Variants in ADCY2 observed in about 807,000 individuals in gnomAD.
ADCY2 encodes adenylate cyclase type 2.
A neutral mutation model predicts 125.2 loss-of-function variants in ADCY2; 31 were observed. The ratio of observed to expected loss-of-function variants is 0.25; its 90% confidence interval spans 0.19 to 0.33. ADCY2 has a LOEUF of 0.33. Ranked by LOEUF, ADCY2 falls within the 10% of genes least tolerant of loss-of-function variation. The pLI is 1.00. For synonymous variants in ADCY2, 512 were observed against 548.4 expected, an observed-to-expected ratio of 0.93 and a Z score of 0.93; for missense variants, 904 against 1,418.2, an observed-to-expected ratio of 0.64 and a Z score of 5.82.
intron 3 of ADCY2, among the ~76,000 whole-genome samples, chr5:7,530,221 G>GGCAGCA (rs1280718929): frequency 6.6e-6 from 1 of 152,148 alleles, no homozygotes; most frequent in Non-Finnish European, 1.5e-5. Context: ...ATGAGTAGTA[G>GGCAGCA]GCAGCAGCAG....
intron 18 of ADCY2, among the ~76,000 whole-genome samples, chr5:7,776,891 G>GTACA (rs2126487773): frequency 1.3e-5 from 2 of 152,214 alleles, no homozygotes; most frequent in South Asian, 4.2e-4. Context: ...AGTATCTCCA[G>GTACA]GGTTCTTAGT....
At chr5:7,508,032 T>C (rs1410402449) in intron 2 of ADCY2, among the ~76,000 whole-genome samples, 1 of 152,182 alleles carries the variant, frequency 6.6e-6, no homozygotes, top group East Asian at 1.9e-4. Flanking sequence ...GAGATATTTG[T>C]GTAATATTTC....
chr5:7,578,869 C>A (rs1279332454), intron 3 of ADCY2, among the ~76,000 whole-genome samples: 1 of 152,260 alleles, frequency 6.6e-6, no homozygotes, highest in East Asian at 1.9e-4. Context: ...AGTCCAAATA[C>A]GGTCCATCCT....
chr5:7,811,130 G>A (rs766016199), intron 22 of ADCY2, among the ~76,000 whole-genome samples: 8 of 152,190 alleles, frequency 5.3e-5, no homozygotes, highest in Non-Finnish European at 1.2e-4. Flanking sequence ...GGAACAGACA[G>A]GGAGGGGAGG....
chr5:7,776,679 G>A (rs962869542), intron 18 of ADCY2, among the ~76,000 whole-genome samples: 4 of 152,192 alleles, frequency 2.6e-5, no homozygotes, highest in Non-Finnish European at 5.9e-5. Flanking sequence ...TGGACTGGGA[G>A]AGGAAGACCC....
At chr5:7,496,715 G>A (rs968544991) in intron 2 of ADCY2, among the ~76,000 whole-genome samples, 4 of 152,108 alleles carry the variant, frequency 2.6e-5, no homozygotes, top group Non-Finnish European at 4.4e-5. Flanking sequence ...AGACTCAATT[G>A]AAAACCACTA....
Position 7,709,455 on chromosome 5 carries a change from G to C in ADCY2, c.1578+68G>C. On this transcript the variant is annotated intron_variant, in intron 10 of 24. Coordinates refer to ENST00000338316, the MANE Select transcript of ADCY2 (RefSeq NM_020546.3). The surrounding 1 kb of genome is among the most constrained non-coding windows in gnomAD (Gnocchi z 4.4). ...GCTAACTTCCCAAAACCAAAGGCTG[G>C]GCATCTCCTGCCAAAATAACTCCTT... 1.4e-6 allele frequency: 2 copies of C among 1,456,194 alleles called. No individual in the cohort carries two copies. Among genetic ancestry groups the C allele is most frequent in the Admixed American group, 2.6e-5 (1 of 37,900 alleles). The allele number at this position is 1,456,194 out of a possible 1,614,324, so 90.2% of individuals were successfully genotyped here. A position where few individuals can be genotyped will look rare whatever the true frequency, so the allele number is the denominator to read the frequency against.
At chr5:7,463,656 A>G (rs1189418894) in intron 2 of ADCY2, among the ~76,000 whole-genome samples, 1 of 152,086 alleles carries the variant, frequency 6.6e-6, no homozygotes, top group Non-Finnish European at 1.5e-5. Context: ...ATCGTCCTGA[A>G]AAGGAATGTG....
intron 4 of ADCY2, among the ~76,000 whole-genome samples, chr5:7,668,420 A>G (rs1739827200): frequency 6.6e-6 from 1 of 152,316 alleles, no homozygotes; most frequent in Admixed American, 6.5e-5. Context: ...TCTAAAAGTA[A>G]ATGTTCTCTC....
chr5:7,805,161 C>CAAA (rs35073546), intron 22 of ADCY2, among the ~76,000 whole-genome samples: 2,032 of 141,648 alleles, frequency 0.014, 48 homozygotes, highest in African/African-American at 0.05. Flanking sequence ...ACCAAAAATA[C>CAAA]AAAAAAAAAA....
intron 2 of ADCY2, among the ~76,000 whole-genome samples, chr5:7,444,237 C>T (rs1317042920): frequency 1.3e-5 from 2 of 151,726 alleles, no homozygotes; most frequent in African/African-American, 4.8e-5. Flanking sequence ...CCTCAGCCTC[C>T]CGAGTAGCTG....
intron 2 of ADCY2, among the ~76,000 whole-genome samples, chr5:7,446,630 C>G (rs554338357): frequency 1.3e-5 from 2 of 151,852 alleles, no homozygotes; most frequent in African/African-American, 2.4e-5. Context: ...TTTTGTAACC[C>G]GAAAGTCTTG....
intron 4 of ADCY2, among the ~76,000 whole-genome samples, chr5:7,634,357 TA>T (rs1291299496): frequency 6.6e-6 from 1 of 152,226 alleles, no homozygotes; most frequent in Non-Finnish European, 1.5e-5. Flanking sequence ...CAAATGGTAT[TA>T]TTTTTGGAGA....
chr5:7,552,214 A>C (rs916487631), intron 3 of ADCY2, among the ~76,000 whole-genome samples: 3 of 152,170 alleles, frequency 2.0e-5, no homozygotes, highest in Non-Finnish European at 4.4e-5. Flanking sequence ...ACTGGGATAA[A>C]CCTCTTCAAA....
At chr5:7,472,177 T>C (rs749854970) in intron 2 of ADCY2, among the ~76,000 whole-genome samples, 1 of 152,178 alleles carries the variant, frequency 6.6e-6, no homozygotes, top group Non-Finnish European at 1.5e-5. Flanking sequence ...TTGGTATTGT[T>C]GCACAACTCT....
At chr5:7,777,040 G>A (rs944752062) in intron 18 of ADCY2, among the ~76,000 whole-genome samples, 1 of 144,024 alleles carries the variant, frequency 6.9e-6, no homozygotes, top group Non-Finnish European at 1.5e-5. Flanking sequence ...CCAATTCTCG[G>A]TAATAAACTC....
intron 4 of ADCY2, among the ~76,000 whole-genome samples, chr5:7,668,610 T>G (rs1380931477): frequency 2.0e-5 from 3 of 152,238 alleles, no homozygotes; most frequent in Non-Finnish European, 4.4e-5. Flanking sequence ...AGAGTTTTTG[T>G]TTTTTAATAT....
rs138715589 is a variant in ADCY2 at position 7,406,258 on chromosome 5, C to T, written c.211-8315C>T. Among the ~76,000 whole-genome samples, 199 of 152,288 alleles carry T rather than the reference C, an allele frequency of 1.3e-3. 1 individual carries two copies. The highest frequency in any genetic ancestry group is 4.7e-3 in the African/African-American group (195 of 41,552). ...GGGCAGTAAGCTCAGAATCTAGGAT[C>T]TCTAAGGGAAGGGCACTCTTTTGTT... On this transcript the variant is annotated intron_variant, in intron 1 of 24. Transcript: ENST00000338316.
At chr5:7,820,264 A>C (rs1056158440) in intron 23 of ADCY2, among the ~76,000 whole-genome samples, 4 of 152,094 alleles carry the variant, frequency 2.6e-5, no homozygotes, top group Admixed American at 2.6e-4. Context: ...AGGCCAAGAC[A>C]GGTGAATCTC....
Sources: gnomAD v4.1 joint callset for allele counts (sites outside exome capture counted in the v4.1 genomes callset) on GRCh38, gnomAD v4.1.1 for gene constraint, Gnocchi (gnomAD v3.1) non-coding constraint, MANE v1.5 for transcripts, NCBI Gene and HGNC (gene_info 2026-07-23, HGNC 2026-07-21) for gene names.